The following RETREG1 variants were observed in gnomAD, a reference collection of about 807,000 sequenced individuals.
RETREG1 encodes the protein reticulophagy regulator 1, also known as family with sequence similarity 134 member B.
Under a neutral mutation model 54.8 loss-of-function variants are expected in RETREG1, and 44 were observed. That is an observed-to-expected ratio of 0.80 (90% CI 0.63 to 1.03). The LOEUF (loss-of-function observed/expected upper bound fraction) is 1.03. RETREG1 is among the 50% of genes least tolerant of loss of function. The probability of loss-of-function intolerance (pLI) is 0.00; values close to 1 mark genes in which losing one functional copy is unlikely to be tolerated. For synonymous variants in RETREG1, 217 were observed against 238.5 expected (o/e 0.91, Z 0.83); for missense variants, 554 against 605.1 (o/e 0.92, Z 0.89).
At chr5:16,598,608 TC>T (rs1742966668) in intron 1 of RETREG1, among the ~76,000 whole-genome samples, 1 of 152,228 alleles carries the variant, frequency 6.6e-6, no homozygotes, top group Admixed American at 6.5e-5. Flanking sequence ...GGACTTCTGT[TC>T]CTTCCCATAG....
At position 16,572,074 on chromosome 5, in the gene RETREG1, A is replaced by G. The variant is rs774497043; in HGVS notation, c.349T>C (p.Tyr117His). ...AGTATCATGACGGAAATCAGGTGATATACTCTCCATGGAGTCAATGCAAGG... is the reference window on the plus strand; with the variant it reads ...AGTATCATGACGGAAATCAGGTGATGTACTCTCCATGGAGTCAATGCAAGG... ...WFLALTPWRV[Y>H]HLISVMILGR... The change falls in exon 2 of 9, where the codon TAT (tyrosine) becomes CAT (histidine). Residue 117 changes from tyrosine to histidine, a missense_variant. Physicochemically the swap from Tyr to His is moderately conservative, Grantham distance 83 (BLOSUM62 2). Transcript: ENST00000306320. 6.2e-7 allele frequency: 1 copy of G among 1,613,624 alleles called. No individual in the cohort carries two copies. The highest frequency in any genetic ancestry group is 1.3e-5 in the African/African-American group (1 of 74,930).
At chr5:16,598,296 A>C (rs1190851415) in intron 1 of RETREG1, among the ~76,000 whole-genome samples, 1 of 152,184 alleles carries the variant, frequency 6.6e-6, no homozygotes, top group Non-Finnish European at 1.5e-5. Context: ...TACCGCTAGC[A>C]TGGCACTTAA....
chr5:16,592,417 C>T (rs924922649), intron 1 of RETREG1, among the ~76,000 whole-genome samples: 7 of 152,242 alleles, frequency 4.6e-5, no homozygotes, highest in South Asian at 2.1e-4. Context: ...CTGGCACGAT[C>T]GCAGAGAAAA....
rs778410566 is a variant in RETREG1, at chr5:16,477,629, TA to T, written c.1000+32del. The T allele has an allele frequency of 3.2e-5, 51 of 1,606,932 alleles. No individual in the cohort carries two copies. In the South Asian group the frequency reaches 5.4e-4, roughly 17 times the overall value. On this transcript the variant is annotated intron_variant, in intron 8 of 8. Transcript: ENST00000306320. ...AGTTCAATAGTTTTGTATGCACTCA[TA>T]AAAATAAATGTCTCCAGAAATATTA... is the stretch of plus-strand genomic sequence containing the variant.
intron 1 of RETREG1, chr5:16,615,815 C>T (rs1743488970): frequency 6.6e-6 from 1 of 152,098 alleles, no homozygotes; most frequent in African/African-American, 2.4e-5. Flanking sequence ...TATCTGTTAC[C>T]GGAGTCTGAT....
At chr5:16,545,144 G>A (rs1297497788) in intron 3 of RETREG1, among the ~76,000 whole-genome samples, 1 of 152,004 alleles carries the variant, frequency 6.6e-6, no homozygotes, top group Admixed American at 6.6e-5. Flanking sequence ...TGTGAATCAG[G>A]GCTACTTCCA....
chr5:16,590,171 C>G (rs1742724855), intron 1 of RETREG1, among the ~76,000 whole-genome samples: 1 of 152,164 alleles, frequency 6.6e-6, no homozygotes. Flanking sequence ...TTCCCCCAAC[C>G]CCAGCTGCTG....
chr5:16,475,987 T>G (rs1738522535), intron 8 of RETREG1, among the ~76,000 whole-genome samples: 1 of 152,198 alleles, frequency 6.6e-6, no homozygotes, highest in Non-Finnish European at 1.5e-5. Flanking sequence ...TGGCTTGGAT[T>G]ATTATTGTCT....
chr5:16,548,562 C>G (rs1188068094), intron 3 of RETREG1, among the ~76,000 whole-genome samples: 1 of 151,970 alleles, frequency 6.6e-6, no homozygotes, highest in Non-Finnish European at 1.5e-5. Context: ...CTAGCCATAC[C>G]TGGCCATACT....
intron 3 of RETREG1, among the ~76,000 whole-genome samples, chr5:16,545,880 A>G (rs1383154888): frequency 3.9e-5 from 6 of 152,240 alleles, no homozygotes; most frequent in African/African-American, 1.2e-4. Context: ...CCATGTGTCC[A>G]GGATGCTTCT....
intron 1 of RETREG1, among the ~76,000 whole-genome samples, chr5:16,584,263 C>T (rs991570667): frequency 1.3e-5 from 2 of 152,074 alleles, no homozygotes; most frequent in Admixed American, 1.3e-4. Flanking sequence ...TCAAATGCCA[C>T]CTGTTCCCCA....
intron 3 of RETREG1, chr5:16,508,840 C>G: frequency 7.0e-7 from 1 of 1,421,870 alleles, no homozygotes; most frequent in Non-Finnish European, 9.2e-7. Flanking sequence ...AAGCTAGGAG[C>G]TGGGTTATTA....
chr5:16,478,381 C>T (rs1738629631), intron 6 of RETREG1, among the ~76,000 whole-genome samples: 1 of 152,116 alleles, frequency 6.6e-6, no homozygotes, highest in Non-Finnish European at 1.5e-5. Context: ...CAGGCCCTAC[C>T]CTAGACCTAC....
chr5:16,543,675 C>CAAA (rs758476063), intron 3 of RETREG1, among the ~76,000 whole-genome samples: 4 of 70,356 alleles, frequency 5.7e-5, no homozygotes, highest in Non-Finnish European at 8.8e-5. Flanking sequence ...GACAACATCT[C>CAAA]AAAAAAAAAA....
chr5:16,520,563 T>G (rs951677500), intron 3 of RETREG1, among the ~76,000 whole-genome samples: 5 of 151,674 alleles, frequency 3.3e-5, no homozygotes, highest in African/African-American at 4.8e-5. Flanking sequence ...CTCCTGACCT[T>G]GTGATCCTCC....
chr5:16,498,125 G>A (rs936276314), intron 3 of RETREG1, among the ~76,000 whole-genome samples: 4 of 152,246 alleles, frequency 2.6e-5, no homozygotes, highest in Admixed American at 6.5e-5. Context: ...ACAATATTTC[G>A]GAATGGAGAA....
intron 3 of RETREG1, among the ~76,000 whole-genome samples, chr5:16,502,066 C>G (rs925752930): frequency 6.6e-6 from 1 of 151,058 alleles, no homozygotes; most frequent in Non-Finnish European, 1.5e-5. Context: ...ACACCATTCT[C>G]CTGCCTCAGC....
chr5:16,582,676 C>T (rs1024018267), intron 1 of RETREG1, among the ~76,000 whole-genome samples: 2 of 145,618 alleles, frequency 1.4e-5, no homozygotes, highest in African/African-American at 2.5e-5. Context: ...AAAAAAAAAA[C>T]GGCCTGGGTA....
intron 3 of RETREG1, chr5:16,508,942 TTC>T (rs1740076630): frequency 8.5e-7 from 1 of 1,174,630 alleles, no homozygotes; most frequent in South Asian, 2.4e-5. Context: ...CTGCCCCGCA[TTC>T]TCTCTCCAGT....
Sources: gnomAD v4.1 joint callset for allele counts (sites outside exome capture counted in the v4.1 genomes callset) on GRCh38, gnomAD v4.1.1 for gene constraint, MANE v1.5 for transcripts, NCBI Gene and HGNC (gene_info 2026-07-23, HGNC 2026-07-21) for gene names.